The following LOC400499 variants were observed in gnomAD, a reference collection of about 807,000 sequenced individuals.
At chr16:11,393,568 G>C in the LOC400499 span, 3 of 1,232,364 alleles carry the variant, frequency 2.4e-6, no homozygotes, top group Non-Finnish European at 3.0e-6. Context: ...AGCTGGGAGG[G>C]GGAAGGCAGA....
chr16:11,384,621 GGGACGACAGAA>G, the LOC400499 span, among the ~76,000 whole-genome samples: 2 of 152,226 alleles, frequency 1.3e-5, no homozygotes, highest in Non-Finnish European at 2.9e-5. Context: ...CCTTGGCAGA[GGGACGACAGAA>G]GGGCCAACTC....
the LOC400499 span, among the ~76,000 whole-genome samples, chr16:11,512,411 T>C: frequency 6.6e-6 from 1 of 152,104 alleles, no homozygotes; most frequent in East Asian, 1.9e-4. Flanking sequence ...GAGACCAGCC[T>C]GGCCAACATG....
At chr16:11,514,872 C>T in the LOC400499 span, among the ~76,000 whole-genome samples, 1 of 152,190 alleles carries the variant, frequency 6.6e-6, no homozygotes, top group African/African-American at 2.4e-5. Context: ...GGCCCACCTC[C>T]ACCTCTTAGA....
the LOC400499 span, chr16:11,385,493 G>A: frequency 1.9e-6 from 2 of 1,036,570 alleles, no homozygotes; most frequent in Non-Finnish European, 2.5e-6. Flanking sequence ...TGCCTGCTGG[G>A]TGCCCCGGAT....
chr16:11,498,278 C>G, the LOC400499 span, among the ~76,000 whole-genome samples: 3 of 152,190 alleles, frequency 2.0e-5, no homozygotes, highest in South Asian at 6.2e-4. Context: ...CTCAGGAGTT[C>G]GAGATAAGCC....
the LOC400499 span, chr16:11,425,115 C>T: frequency 2.5e-6 from 1 of 399,010 alleles, no homozygotes; most frequent in Non-Finnish European, 4.4e-6. Flanking sequence ...GCCTGGACCA[C>T]TCGTCCTACC....
At chr16:11,521,288 G>A in the LOC400499 span, among the ~76,000 whole-genome samples, 2 of 152,194 alleles carry the variant, frequency 1.3e-5, no homozygotes, top group Admixed American at 1.3e-4. Context: ...TTTTATGTGG[G>A]TTGAGAGGGT....
chr16:11,487,178 GAC>G, the LOC400499 span: 5 of 398,348 alleles, frequency 1.3e-5, no homozygotes, highest in Non-Finnish European at 2.2e-5. Flanking sequence ...GGGATGGATG[GAC>G]AGACAGGTAA....
At chr16:11,472,515 G>C in the LOC400499 span, 1 of 152,214 alleles carries the variant, frequency 6.6e-6, no homozygotes, top group Non-Finnish European at 1.5e-5. Flanking sequence ...TTTAAAAAGA[G>C]TGTCAGGCAA....
At chr16:11,453,071 G>A in the LOC400499 span, among the ~76,000 whole-genome samples, 1 of 152,262 alleles carries the variant, frequency 6.6e-6, no homozygotes, top group East Asian at 1.9e-4. Flanking sequence ...GCCTAATCCT[G>A]GGTTGGCAGA....
the LOC400499 span, chr16:11,523,517 G>T: frequency 2.5e-6 from 1 of 398,476 alleles, no homozygotes; most frequent in East Asian, 3.6e-5. Flanking sequence ...GCCAGAAAGA[G>T]GCATAAGATA....
At chr16:11,438,021 C>T in the LOC400499 span, among the ~76,000 whole-genome samples, 27 of 152,326 alleles carry the variant, frequency 1.8e-4, no homozygotes, top group East Asian at 5.2e-3. Flanking sequence ...AGATCTTCCA[C>T]TGGTGAGCTC....
At chr16:11,515,869 CAGCCCAGCCCAGCCCAGCCCAGCCT>C in the LOC400499 span, 2,777 of 41,656 alleles carry the variant, frequency 0.067, 20 homozygotes, top group Middle Eastern at 0.14. Flanking sequence ...CAGCCCAGCC[CAGCCCAGCCCAGCCCAGCCCAGCCT>C]AGCCCAGCCC....
the LOC400499 span, among the ~76,000 whole-genome samples, chr16:11,505,601 G>A: frequency 2.6e-5 from 4 of 151,454 alleles, no homozygotes; most frequent in Non-Finnish European, 5.9e-5. Flanking sequence ...CCACAGGCAC[G>A]TACCACCATG....
chr16:11,435,302 TG>T, the LOC400499 span, among the ~76,000 whole-genome samples: 17 of 151,962 alleles, frequency 1.1e-4, no homozygotes, highest in South Asian at 3.1e-3. Flanking sequence ...TTTGGAGAGA[TG>T]GGGTCTTGCT....
At chr16:11,395,263 G>C in the LOC400499 span, among the ~76,000 whole-genome samples, 1 of 152,326 alleles carries the variant, frequency 6.6e-6, no homozygotes, top group Non-Finnish European at 1.5e-5. Context: ...GGGCCACTGG[G>C]TTGGGGTGAG....
chr16:11,423,650 TGGAC>T, the LOC400499 span, among the ~76,000 whole-genome samples: 4 of 152,234 alleles, frequency 2.6e-5, no homozygotes, highest in Non-Finnish European at 4.4e-5. Context: ...TCTCCCACCA[TGGAC>T]GGTTTAGCCA....
the LOC400499 span, among the ~76,000 whole-genome samples, chr16:11,430,593 T>C: frequency 6.6e-6 from 1 of 152,162 alleles, no homozygotes; most frequent in East Asian, 1.9e-4. Flanking sequence ...AGAGAGAATA[T>C]GAGAATGATA....
the LOC400499 span, chr16:11,399,452 C>T: frequency 1.6e-4 from 64 of 402,162 alleles, 1 homozygote; most frequent in Middle Eastern, 1.9e-3. Context: ...CCTGCCCAGA[C>T]GCTGCTCCCC....
Sources: gnomAD v4.1 joint callset for allele counts (sites outside exome capture counted in the v4.1 genomes callset) on GRCh38, gnomAD v4.1.1 for gene constraint, MANE v1.5 for transcripts.